AFG2B: variants seen among roughly 807,000 people sequenced by gnomAD.
AFG2B encodes the protein ATPase family gene 2 protein homolog B.
chr15:45,402,625 G>A, the AFG2B span: 1 of 1,576,614 alleles, frequency 6.3e-7, no homozygotes. Flanking sequence ...GCCTCGGCGG[G>A]ACGGAGCGGA....
chr15:45,410,838 T>C, the AFG2B span, among the ~76,000 whole-genome samples: 1 of 152,102 alleles, frequency 6.6e-6, no homozygotes, highest in Non-Finnish European at 1.5e-5. Context: ...GGAGGATTGC[T>C]TGAGTTCAGG....
chr15:45,418,416 T>C, the AFG2B span: 20 of 638,654 alleles, frequency 3.1e-5, no homozygotes, highest in Non-Finnish European at 4.4e-5. Context: ...ATATAAGCCA[T>C]TGATGACTTA....
the AFG2B span, chr15:45,417,854 A>C: frequency 6.5e-6 from 1 of 153,004 alleles, no homozygotes; most frequent in African/African-American, 2.4e-5. Flanking sequence ...CAACCAGTAC[A>C]TTTTTTGTCG....
chr15:45,402,544 C>G, the AFG2B span: 3 of 1,593,518 alleles, frequency 1.9e-6, no homozygotes, highest in Middle Eastern at 3.3e-4. Flanking sequence ...CCTCCACGCC[C>G]TGGGCGCGCG....
the AFG2B span, chr15:45,402,747 C>T: frequency 6.4e-7 from 1 of 1,571,820 alleles, no homozygotes; most frequent in Admixed American, 1.8e-5. Flanking sequence ...CCTGTCCGCC[C>T]CTGCGGCGCG....
chr15:45,402,763 G>A, the AFG2B span: 3 of 1,580,758 alleles, frequency 1.9e-6, no homozygotes, highest in African/African-American at 4.0e-5. Context: ...GCGCGTCGCC[G>A]TGTGGCCGGT....
At chr15:45,405,696 C>T in the AFG2B span, among the ~76,000 whole-genome samples, 2 of 152,144 alleles carry the variant, frequency 1.3e-5, no homozygotes, top group Non-Finnish European at 2.9e-5. Flanking sequence ...AGGGCTGAGT[C>T]CTCTGGGTCT....
At chr15:45,410,400 T>C in the AFG2B span, 1 of 1,613,690 alleles carries the variant, frequency 6.2e-7, no homozygotes, top group Admixed American at 1.7e-5. Context: ...ATTGATGAAA[T>C]AGACTTCCTT....
At chr15:45,408,786 G>A in the AFG2B span, among the ~76,000 whole-genome samples, 5 of 152,298 alleles carry the variant, frequency 3.3e-5, no homozygotes, top group Admixed American at 3.3e-4. Context: ...TCAGGAGGCT[G>A]AGATAGAATG....
chr15:45,402,466 C>T, the AFG2B span: 2 of 1,609,232 alleles, frequency 1.2e-6, no homozygotes, highest in Middle Eastern at 1.7e-4. Flanking sequence ...TGAAGGGCCG[C>T]TCTTAAAGCT....
chr15:45,410,545 C>G, the AFG2B span: 2 of 1,589,186 alleles, frequency 1.3e-6, no homozygotes, highest in Non-Finnish European at 1.7e-6. Context: ...GACAGATAAT[C>G]TACTTAATCC....
chr15:45,407,116 G>A, the AFG2B span: 1 of 1,288,996 alleles, frequency 7.8e-7, no homozygotes, highest in South Asian at 1.2e-5. Flanking sequence ...ACTTCAGGAG[G>A]GGCCTGCTCA....
the AFG2B span, among the ~76,000 whole-genome samples, chr15:45,413,757 C>T: frequency 3.9e-5 from 6 of 152,180 alleles, 1 homozygote; most frequent in South Asian, 6.2e-4. Context: ...ACTTCAACAC[C>T]GTTGCTCCTT....
chr15:45,411,959 G>A, the AFG2B span, among the ~76,000 whole-genome samples: 5 of 151,998 alleles, frequency 3.3e-5, no homozygotes, highest in African/African-American at 7.2e-5. Context: ...TTAGCCAGGC[G>A]TGGTGGCGCA....
chr15:45,415,093 C>A, the AFG2B span, among the ~76,000 whole-genome samples: 7 of 151,990 alleles, frequency 4.6e-5, no homozygotes, highest in Admixed American at 3.9e-4. Flanking sequence ...TTATAGTATT[C>A]TTTGAAAATA....
the AFG2B span, chr15:45,418,455 C>T: frequency 6.7e-4 from 781 of 1,172,744 alleles, 2 homozygotes; most frequent in African/African-American, 0.011. Context: ...TATATTTTCT[C>T]GGTAATGTGA....
chr15:45,402,627 C>G, the AFG2B span: 3 of 1,576,750 alleles, frequency 1.9e-6, no homozygotes, highest in Admixed American at 1.8e-5. Context: ...CTCGGCGGGA[C>G]GGAGCGGACG....
the AFG2B span, chr15:45,402,431 T>G: frequency 6.2e-7 from 1 of 1,601,334 alleles, no homozygotes; most frequent in Non-Finnish European, 8.5e-7. Context: ...CTGTGTGCGA[T>G]GGCTCCGGAC....
chr15:45,416,490 C>G, the AFG2B span, among the ~76,000 whole-genome samples: 1 of 152,088 alleles, frequency 6.6e-6, no homozygotes. Flanking sequence ...CATTCTTTTC[C>G]TATTTTAAAA....
Sources: allele counts gnomAD v4.1 joint callset (sites outside exome capture counted in the v4.1 genomes callset), GRCh38; gene constraint gnomAD v4.1.1; transcripts MANE v1.5; gene names NCBI Gene and HGNC (gene_info 2026-07-23, HGNC 2026-07-21).